The following LRRC7 variants were observed in gnomAD, a reference collection of about 807,000 sequenced individuals.
LRRC7 encodes the protein leucine-rich repeat-containing protein 7.
Under a neutral mutation model 175.7 loss-of-function variants are expected in LRRC7, and 23 were observed. The observed-to-expected ratio is 0.13, with a 90% confidence interval of 0.09 to 0.19. The LOEUF (loss-of-function observed/expected upper bound fraction) is 0.19, where lower values mean the gene tolerates loss of function less well. LRRC7 is among the 10% of genes least tolerant of loss of function. The probability of loss-of-function intolerance (pLI) is 1.00; values close to 1 mark genes in which losing one functional copy is unlikely to be tolerated. For missense variants in LRRC7, 1,354 were observed against 1,904.7 expected (o/e 0.71, Z 5.38); for synonymous variants, 685 against 680.9 (o/e 1.01, Z -0.09).
chr1:69,599,769 T>A (rs1646978331), intron 1 of LRRC7, among the ~76,000 whole-genome samples: 1 of 152,158 alleles, frequency 6.6e-6, no homozygotes, highest in Admixed American at 6.5e-5. Context: ...TCCCCACAAG[T>A]CCTGGGGAAG....
chr1:69,592,376 C>G (rs1299179006), intron 1 of LRRC7, among the ~76,000 whole-genome samples: 2 of 151,870 alleles, frequency 1.3e-5, no homozygotes, highest in African/African-American at 4.8e-5. Context: ...TTCAGACAAA[C>G]AAAACAATTA....
chr1:70,073,547 C>T (rs1006171475), intron 23 of LRRC7, among the ~76,000 whole-genome samples: 2 of 152,186 alleles, frequency 1.3e-5, no homozygotes, highest in African/African-American at 4.8e-5. Flanking sequence ...ACTAGTACTA[C>T]AATACTCTAA....
chr1:69,811,163 G>GA (rs1285752736), intron 4 of LRRC7, among the ~76,000 whole-genome samples: 1 of 152,048 alleles, frequency 6.6e-6, no homozygotes, highest in Non-Finnish European at 1.5e-5. Context: ...ACAAACATAT[G>GA]AAAAAAAGCT....
At chr1:69,958,761 A>T (rs968196284) in intron 8 of LRRC7, among the ~76,000 whole-genome samples, 3 of 152,074 alleles carry the variant, frequency 2.0e-5, no homozygotes. Flanking sequence ...GACTAATTGT[A>T]TCCCCAATTC....
chr1:69,823,185 TG>T (rs1679501764), intron 4 of LRRC7, among the ~76,000 whole-genome samples: 1 of 152,224 alleles, frequency 6.6e-6, no homozygotes, highest in Non-Finnish European at 1.5e-5. Context: ...TCTTATTCAT[TG>T]TTTGAAATTA....
intron 7 of LRRC7, among the ~76,000 whole-genome samples, chr1:69,895,851 T>G (rs910429081): frequency 1.2e-4 from 19 of 152,212 alleles, no homozygotes; most frequent in Admixed American, 6.5e-5. Flanking sequence ...TTTGTGTTGC[T>G]TCCTTTCAGA....
In LRRC7 at chr1:69,761,870, G is replaced by T. The variant is rs112673114; in HGVS notation, c.303+1477G>T. Among the ~76,000 whole-genome samples, 91 of 152,072 alleles carry T rather than the reference G, an allele frequency of 6.0e-4. 1 individual carries two copies. The highest frequency in any genetic ancestry group is 2.1e-3 in the African/African-American group (89 of 41,512). The stretch of plus-strand genomic sequence containing the variant: ...CTTCATATGCCACAGGACTTGATTA[G>T]CAAAAGTATATAAGTTTGCATAAGT... On this transcript the variant is annotated intron_variant, in intron 3 of 26. Transcript: ENST00000651989.
rs114494499 is a variant in LRRC7, at chr1:69,998,113, G to T, written c.1004+3480G>T. Among the ~76,000 whole-genome samples the T allele has an allele frequency of 3.1e-3, 475 of 152,210 alleles. 3 individuals are homozygous for T. Among genetic ancestry groups the T allele is most frequent in the African/African-American group, 0.01 (427 of 41,546 alleles). ...AACAAATTTGGTATTCTCAAGAGGG[G>T]AAAGCCTTATTTTTTTAAATAGCTT... On this transcript the variant is annotated intron_variant, in intron 11 of 26. Transcript: ENST00000651989.
chr1:69,915,947 G>A (rs1052383670), intron 7 of LRRC7, among the ~76,000 whole-genome samples: 3 of 147,820 alleles, frequency 2.0e-5, no homozygotes, highest in Non-Finnish European at 4.4e-5. Flanking sequence ...CTTGTTCAAA[G>A]TCAAACAGCT....
At chr1:69,884,995 A>G (rs1461598298) in intron 7 of LRRC7, among the ~76,000 whole-genome samples, 1 of 149,210 alleles carries the variant, frequency 6.7e-6, no homozygotes, top group African/African-American at 2.5e-5. Flanking sequence ...AAGCTTTTTG[A>G]TGTGCTGCTG....
intron 7 of LRRC7, among the ~76,000 whole-genome samples, chr1:69,852,720 T>C (rs1325132790): frequency 1.3e-5 from 2 of 152,210 alleles, no homozygotes; most frequent in Non-Finnish European, 2.9e-5. Flanking sequence ...TCAATTTTAA[T>C]TGAAAAAATA....
rs1280077068 is a variant in LRRC7, at chr1:69,584,736, A to T, written c.2+16095A>T. On this transcript the variant is annotated intron_variant, in intron 1 of 26. Transcript: ENST00000651989. ...TTCTTTTGAGATAAAGACAAAAATTAATATGTTTTCTTATGAGGCATAGGA... is the reference window on the plus strand; with the variant it reads ...TTCTTTTGAGATAAAGACAAAAATTTATATGTTTTCTTATGAGGCATAGGA... Among the ~76,000 whole-genome samples the T allele has an allele frequency of 2.6e-5, 4 of 152,272 alleles. No homozygotes were observed. In the East Asian group the frequency reaches 7.7e-4, roughly 29 times the overall value.
In LRRC7 at chr1:70,133,139, C is replaced by T. The variant is rs934551392; in HGVS notation, c.*11252C>T. On this transcript the variant is annotated 3_prime_UTR_variant, in exon 27 of 27. Transcript: ENST00000651989. ...AGAAGAGCCACCACTAGATGGAGAC[C>T]TCATATCTACATTTTAAATCCCAGC... 2.0e-5 allele frequency among the ~76,000 whole-genome samples: 3 copies of T among 152,042 alleles called. No individual in the cohort carries two copies. The highest frequency in any genetic ancestry group is 6.5e-5 in the Admixed American group (1 of 15,270).
chr1:69,960,536 C>T (rs1462534668), intron 8 of LRRC7, among the ~76,000 whole-genome samples: 1 of 150,934 alleles, frequency 6.6e-6, no homozygotes, highest in Non-Finnish European at 1.5e-5. Flanking sequence ...GATTTGTTTG[C>T]TCTTGGTTAT....
intron 9 of LRRC7, among the ~76,000 whole-genome samples, chr1:69,984,732 A>G (rs1653771991): frequency 6.6e-6 from 1 of 152,120 alleles, no homozygotes; most frequent in Non-Finnish European, 1.5e-5. Flanking sequence ...AAATACTTCT[A>G]TATCCCTCTA....
At chr1:69,662,349 T>A (rs907012077) in intron 1 of LRRC7, among the ~76,000 whole-genome samples, 16 of 152,228 alleles carry the variant, frequency 1.1e-4, no homozygotes, top group Admixed American at 7.2e-4. Flanking sequence ...ACATTCATAA[T>A]GATACCAATC....
At chr1:69,836,453 T>A (rs1681116721) in intron 6 of LRRC7, among the ~76,000 whole-genome samples, 1 of 152,006 alleles carries the variant, frequency 6.6e-6, no homozygotes, top group African/African-American at 2.4e-5. Context: ...TAAGATACAT[T>A]TTTTTCTTGA....
intron 3 of LRRC7, among the ~76,000 whole-genome samples, chr1:69,765,548 AT>A (rs1434528101): frequency 7.2e-5 from 11 of 152,092 alleles, no homozygotes; most frequent in African/African-American, 2.7e-4. Context: ...AGGATAGACC[AT>A]TATATTACTG....
chr1:69,635,681 A>T (rs1171908779), intron 1 of LRRC7, among the ~76,000 whole-genome samples: 2 of 152,094 alleles, frequency 1.3e-5, no homozygotes, highest in Non-Finnish European at 2.9e-5. Context: ...AAAAATAATA[A>T]CAATTTAGAA....
Sources: allele counts gnomAD v4.1 joint callset (sites outside exome capture counted in the v4.1 genomes callset), GRCh38; gene constraint gnomAD v4.1.1; transcripts MANE v1.5; gene names NCBI Gene and HGNC (gene_info 2026-07-23, HGNC 2026-07-21).